GALNT13: variants seen among roughly 807,000 people sequenced by gnomAD.
GALNT13 encodes the protein UDP-GalNAc:polypeptide N-acetylgalactosaminyltransferase 13.
Under a neutral mutation model 64.2 loss-of-function variants are expected in GALNT13, and 28 were observed. That is an observed-to-expected ratio of 0.44 (90% CI 0.32 to 0.60). GALNT13 has a LOEUF of 0.60. Among genes scored for constraint, GALNT13 ranks in the 20% least tolerant of loss-of-function variants. GALNT13 has a pLI of 0.05. For synonymous variants in GALNT13, 214 were observed against 224.6 expected, an observed-to-expected ratio of 0.95 and a Z score of 0.42; for missense variants, 577 against 669.8, an observed-to-expected ratio of 0.86 and a Z score of 1.53.
the GALNT13 span, among the ~76,000 whole-genome samples, chr2:153,596,768 CAT>C: frequency 1.3e-5 from 2 of 152,038 alleles, no homozygotes; most frequent in African/African-American, 2.4e-5. Context: ...CATATATACA[CAT>C]ATGTATATAT....
the GALNT13 span, among the ~76,000 whole-genome samples, chr2:153,389,637 C>T: frequency 3.9e-5 from 6 of 152,054 alleles, no homozygotes; most frequent in Middle Eastern, 3.4e-3. Flanking sequence ...GTTTGTGAAA[C>T]GTGGATGTGC....
At chr2:153,189,320 AAT>A in the GALNT13 span, among the ~76,000 whole-genome samples, 1 of 152,122 alleles carries the variant, frequency 6.6e-6, no homozygotes, top group Non-Finnish European at 1.5e-5. Flanking sequence ...GAGTACATGC[AAT>A]ATTTGTCTTT....
At chr2:153,405,828 C>T in the GALNT13 span, among the ~76,000 whole-genome samples, 1 of 152,034 alleles carries the variant, frequency 6.6e-6, no homozygotes, top group Non-Finnish European at 1.5e-5. Flanking sequence ...TATGAACTGC[C>T]CTGCCTAGAA....
chr2:153,078,318 C>CTT, the GALNT13 span, among the ~76,000 whole-genome samples: 82 of 134,000 alleles, frequency 6.1e-4, no homozygotes, highest in African/African-American at 9.7e-4. Flanking sequence ...CCTTTTCATT[C>CTT]TTTTTTTTTT....
the GALNT13 span, among the ~76,000 whole-genome samples, chr2:153,632,018 C>T: frequency 1.3e-5 from 2 of 152,166 alleles, no homozygotes; most frequent in Non-Finnish European, 2.9e-5. Context: ...ATTGTTGTCA[C>T]CTTTGACACT....
intron 4 of GALNT13, among the ~76,000 whole-genome samples, chr2:154,153,749 A>T (rs1463594235): frequency 6.6e-6 from 1 of 152,222 alleles, no homozygotes; most frequent in East Asian, 1.9e-4. Context: ...TGCAGGATAT[A>T]ATCTCCTGGT....
the GALNT13 span, among the ~76,000 whole-genome samples, chr2:153,628,356 G>T: frequency 6.6e-6 from 1 of 152,046 alleles, no homozygotes; most frequent in African/African-American, 2.4e-5. Context: ...CTGCCGAATT[G>T]CCCTGGCTAG....
At chr2:154,168,417 C>T (rs904907636) in intron 4 of GALNT13, among the ~76,000 whole-genome samples, 5 of 152,110 alleles carry the variant, frequency 3.3e-5, no homozygotes, top group African/African-American at 1.2e-4. Flanking sequence ...TACTCAAAGT[C>T]TACTAATTGA....
At chr2:154,023,754 T>G (rs549777086) in intron 3 of GALNT13, among the ~76,000 whole-genome samples, 25 of 152,318 alleles carry the variant, frequency 1.6e-4, no homozygotes, top group African/African-American at 6.0e-4. Context: ...TAGCTGGTTA[T>G]TTTGCTCGTT....
intron 4 of GALNT13, among the ~76,000 whole-genome samples, chr2:154,152,810 G>A (rs1684132757): frequency 1.3e-5 from 2 of 152,176 alleles, no homozygotes; most frequent in South Asian, 4.1e-4. Flanking sequence ...CTCTGTATTG[G>A]TTATTCTAGT....
At chr2:153,817,799 A>C in the GALNT13 span, among the ~76,000 whole-genome samples, 5 of 152,366 alleles carry the variant, frequency 3.3e-5, no homozygotes, top group African/African-American at 1.2e-4. Flanking sequence ...TATAATACCC[A>C]AAAAGTATAA....
chr2:154,220,220 T>C (rs1688255056), intron 4 of GALNT13, among the ~76,000 whole-genome samples: 1 of 152,074 alleles, frequency 6.6e-6, no homozygotes, highest in Non-Finnish European at 1.5e-5. Flanking sequence ...TGTTCCCATA[T>C]ATTCCAAGTA....
chr2:153,391,385 C>T, the GALNT13 span, among the ~76,000 whole-genome samples: 2 of 152,012 alleles, frequency 1.3e-5, no homozygotes, highest in Non-Finnish European at 2.9e-5. Context: ...AGCTATGCGG[C>T]TACTCAGATG....
the GALNT13 span, among the ~76,000 whole-genome samples, chr2:153,660,423 T>C: frequency 2.6e-4 from 39 of 152,084 alleles, no homozygotes; most frequent in Non-Finnish European, 4.0e-4. Context: ...TGGGCAGCCA[T>C]TGAAAAATTT....
the GALNT13 span, among the ~76,000 whole-genome samples, chr2:153,780,954 A>G: frequency 2.0e-5 from 3 of 152,160 alleles, no homozygotes; most frequent in Non-Finnish European, 4.4e-5. Flanking sequence ...GCCATGTGAT[A>G]AACTCTATGT....
At chr2:153,663,730 T>C in the GALNT13 span, among the ~76,000 whole-genome samples, 1 of 152,226 alleles carries the variant, frequency 6.6e-6, no homozygotes, top group African/African-American at 2.4e-5. Context: ...CATAGTGCCT[T>C]GCTAATTAGC....
At chr2:153,524,983 G>A in the GALNT13 span, among the ~76,000 whole-genome samples, 1 of 152,126 alleles carries the variant, frequency 6.6e-6, no homozygotes, top group Admixed American at 6.5e-5. Flanking sequence ...AGCTCCAAAA[G>A]AGACCCCTTC....
chr2:153,682,049 G>T, the GALNT13 span, among the ~76,000 whole-genome samples: 2 of 151,762 alleles, frequency 1.3e-5, no homozygotes, highest in Middle Eastern at 3.4e-3. Context: ...GTATTGTCCT[G>T]AACGTTCAAT....
the GALNT13 span, among the ~76,000 whole-genome samples, chr2:153,248,733 G>A: frequency 4.0e-5 from 6 of 149,974 alleles, no homozygotes; most frequent in South Asian, 2.1e-4. Flanking sequence ...GGATAATGGC[G>A]TGAACCCAGG....
Sources: gnomAD v4.1 joint callset for allele counts (sites outside exome capture counted in the v4.1 genomes callset) on GRCh38, gnomAD v4.1.1 for gene constraint, MANE v1.5 for transcripts, NCBI Gene and HGNC (gene_info 2026-07-23, HGNC 2026-07-21) for gene names.